Variants in ARHGEF4 observed in about 807,000 individuals in gnomAD.
ARHGEF4 encodes Rho guanine nucleotide exchange factor 4, also known as APC-stimulated guanine nucleotide exchange factor 1.
In ARHGEF4, 119 loss-of-function variants were observed where a neutral mutation model predicts 162.0. That is an observed-to-expected ratio of 0.73 (90% CI 0.63 to 0.86). The LOEUF (loss-of-function observed/expected upper bound fraction) is 0.86. Ranked by LOEUF, ARHGEF4 falls within the 40% of genes least tolerant of loss-of-function variation. ARHGEF4 has a pLI of 0.00. For synonymous variants in ARHGEF4, 1,014 were observed against 979.9 expected (o/e 1.03, Z -0.65); for missense variants, 2,488 against 2,456.0 (o/e 1.01, Z -0.28).
chr2:130,866,748 T>G (rs1413535619), intron 1 of ARHGEF4, among the ~76,000 whole-genome samples: 1 of 152,242 alleles, frequency 6.6e-6, no homozygotes, highest in African/African-American at 2.4e-5. Context: ...TGTACAATTC[T>G]TTTGATACAT....
chr2:131,026,097 T>G (rs1689460571), intron 4 of ARHGEF4, among the ~76,000 whole-genome samples: 1 of 152,174 alleles, frequency 6.6e-6, no homozygotes, highest in Admixed American at 6.5e-5. Flanking sequence ...GAATCTCAAC[T>G]CAAGGACAGA....
chr2:130,941,195 G>A (rs986865321), intron 3 of ARHGEF4, among the ~76,000 whole-genome samples: 8 of 133,214 alleles, frequency 6.0e-5, no homozygotes, highest in South Asian at 2.6e-4. Flanking sequence ...CCACACAGCC[G>A]AAAATCCATT....
chr2:130,996,177 C>G (rs1348497623), intron 4 of ARHGEF4, among the ~76,000 whole-genome samples: 1 of 152,100 alleles, frequency 6.6e-6, no homozygotes. Context: ...CATGAGCCAC[C>G]ACGCCCAGCC....
chr2:130,868,608 C>G (rs1682467502), intron 1 of ARHGEF4, among the ~76,000 whole-genome samples: 1 of 152,118 alleles, frequency 6.6e-6, no homozygotes, highest in Admixed American at 6.6e-5. Context: ...AAGGCGAAAT[C>G]AGGGAGAGGC....
chr2:131,011,528 C>T (rs1036636305), intron 4 of ARHGEF4, among the ~76,000 whole-genome samples: 12 of 152,240 alleles, frequency 7.9e-5, no homozygotes, highest in African/African-American at 9.6e-5. Context: ...CTTAAGCTCC[C>T]GTGAATATCA....
rs1238824170 is a variant in ARHGEF4 at position 131,046,183 on chromosome 2, C to T, written c.5625C>T (p.Arg1875=). The T allele has an allele frequency of 6.2e-7, 1 of 1,611,528 alleles. No homozygotes were observed. Among genetic ancestry groups the T allele is most frequent in the East Asian group, 2.2e-5 (1 of 44,846 alleles). The change falls in exon 14 of 14, where the codon CGC becomes CGT. Residue 1875 remains arginine (R), a synonymous_variant. Coordinates refer to ENST00000409359, the MANE Select transcript of ARHGEF4 (RefSeq NM_001367493.1). The stretch of plus-strand genomic sequence containing the variant: ...GCATCAGCCGGCTGGCACCCTTCCG[C>T]AAGTGAACTGGTCCCTGCCTGACAG... ...WHSISRLAPF[R]K is the part of the protein sequence containing the mutation.
intron 4 of ARHGEF4, among the ~76,000 whole-genome samples, chr2:130,975,644 G>A (rs1418969747): frequency 8.5e-5 from 13 of 152,126 alleles, no homozygotes; most frequent in South Asian, 2.1e-4. Context: ...AAGGCTGCAC[G>A]TGGCATGCCC....
intron 4 of ARHGEF4, among the ~76,000 whole-genome samples, chr2:131,000,286 C>A (rs956434594): frequency 2.0e-4 from 30 of 152,228 alleles, no homozygotes; most frequent in African/African-American, 7.0e-4. Context: ...TCTGGATAAA[C>A]CCCTATTTAA....
At chr2:131,034,904 G>T (rs1690126528) in intron 5 of ARHGEF4, 1 of 895,444 alleles carries the variant, frequency 1.1e-6, no homozygotes, top group Middle Eastern at 5.7e-4. Flanking sequence ...CGCCCGCACA[G>T]CCGGCTTGGT....
chr2:130,842,692 A>G (rs1344719121), intron 1 of ARHGEF4, among the ~76,000 whole-genome samples: 1 of 152,144 alleles, frequency 6.6e-6, no homozygotes, highest in African/African-American at 2.4e-5. Context: ...CCACGTGGTA[A>G]TGTATTTCCA....
Position 131,040,019 on chromosome 2 carries a change from A to G in ARHGEF4, c.4309A>G (p.Arg1437Gly). Reference protein sequence around the residue: ...GWFPASFVRLRVNQDEPADDD... With the variant: ...GWFPASFVRLGVNQDEPADDD... ...ACCGGCCACGCATGGCCTGCAGCTG[A>G]GGGTGAATCAGGACGAGCCCGCGGA... Residue 1437 changes from arginine (R) to glycine (G), a missense_variant, in exon 7 of 14, where the codon AGG (arginine) becomes GGG (glycine). By Grantham distance (125) the Arg-to-Gly change is moderately radical. Transcript: ENST00000409359. The G allele has an allele frequency of 2.6e-6, 4 of 1,558,140 alleles. No individual in the cohort carries two copies. The highest frequency in any genetic ancestry group is 3.5e-6 in the Non-Finnish European group (4 of 1,152,178).
chr2:131,026,742 A>C (rs1366753242), intron 4 of ARHGEF4, among the ~76,000 whole-genome samples: 1 of 152,204 alleles, frequency 6.6e-6, no homozygotes, highest in Non-Finnish European at 1.5e-5. Context: ...AATGCCAATC[A>C]CAAGAGCTGG....
At chr2:131,016,033 C>T (rs1224106024) in intron 4 of ARHGEF4, among the ~76,000 whole-genome samples, 1 of 152,118 alleles carries the variant, frequency 6.6e-6, no homozygotes, top group Admixed American at 6.5e-5. Context: ...TCACCTCTCA[C>T]CCTCCTTCTT....
intron 4 of ARHGEF4, among the ~76,000 whole-genome samples, chr2:130,988,897 T>TAGAGAGAGAG (rs1194203957): frequency 5.9e-4 from 66 of 111,398 alleles, no homozygotes; most frequent in South Asian, 1.1e-3. Context: ...TATATATATA[T>TAGAGAGAGAG]ATATAGAGAG....
intron 4 of ARHGEF4, among the ~76,000 whole-genome samples, chr2:130,961,935 C>G (rs1217249861): frequency 6.6e-6 from 1 of 151,992 alleles, no homozygotes; most frequent in African/African-American, 2.4e-5. Flanking sequence ...CTGCTCTTCC[C>G]AAGGACAAGA....
At chr2:130,903,248 T>A (rs1484771473) in intron 1 of ARHGEF4, among the ~76,000 whole-genome samples, 1 of 12,600 alleles carries the variant, frequency 7.9e-5, no homozygotes, top group African/African-American at 2.4e-4. Context: ...TTATCTTGAC[T>A]TTTTTTTTTC....
intron 10 of ARHGEF4, 115 bp downstream of exon 10, chr2:131,042,059 G>A: frequency 7.2e-7 from 1 of 1,391,026 alleles, no homozygotes; most frequent in Non-Finnish European, 9.6e-7. Flanking sequence ...GCTCCTGGGA[G>A]CTAGCAACAG....
At chr2:130,938,406 G>A (rs140989204) in intron 3 of ARHGEF4, among the ~76,000 whole-genome samples, 215 of 152,256 alleles carry the variant, frequency 1.4e-3, no homozygotes, top group African/African-American at 5.1e-3. Flanking sequence ...GGAAATGGTT[G>A]GGTTCTAAGG....
At chr2:130,957,067 T>C (rs898345318) in intron 4 of ARHGEF4, among the ~76,000 whole-genome samples, 5 of 152,122 alleles carry the variant, frequency 3.3e-5, no homozygotes, top group African/African-American at 9.7e-5. Flanking sequence ...TTTTCAGGGA[T>C]TACAGGCTCT....
Sources: allele counts gnomAD v4.1 joint callset (sites outside exome capture counted in the v4.1 genomes callset), GRCh38; gene constraint gnomAD v4.1.1; transcripts MANE v1.5; gene names NCBI Gene and HGNC (gene_info 2026-07-23, HGNC 2026-07-21).